Variants in CDK5RAP2 observed in about 807,000 individuals in gnomAD.
CDK5RAP2 encodes CDK5 regulatory subunit associated protein 2.
CDK5RAP2 carries 147 observed loss-of-function variants against 232.9 expected under a neutral mutation model. The observed-to-expected ratio is 0.63, with a 90% CI of 0.55 to 0.72. The LOEUF (loss-of-function observed/expected upper bound fraction) is 0.72, where lower values mean the gene tolerates loss of function less well. Ranked by LOEUF, CDK5RAP2 falls within the 30% of genes least tolerant of loss-of-function variation. The pLI, the probability that CDK5RAP2 is intolerant of heterozygous loss-of-function variation, is 0.00. For synonymous variants in CDK5RAP2, 833 were observed against 833.7 expected (o/e 1.00, Z 0.01); for missense variants, 2,195 against 2,231.5 (o/e 0.98, Z 0.33).
intron 12 of CDK5RAP2, among the ~76,000 whole-genome samples, chr9:120,512,878 T>C (rs1196834445): frequency 6.6e-6 from 1 of 152,206 alleles, no homozygotes; most frequent in African/African-American, 2.4e-5. Context: ...TAAAGTACAA[T>C]CTACACCTGA....
chr9:120,480,405 C>A (rs1427451640), intron 14 of CDK5RAP2, among the ~76,000 whole-genome samples: 3 of 152,130 alleles, frequency 2.0e-5, no homozygotes, highest in Non-Finnish European at 4.4e-5. Flanking sequence ...CATAGTAATA[C>A]TAGTAGTATT....
At chr9:120,487,492 G>C (rs2038676717) in intron 13 of CDK5RAP2, 55 bp from the exon 14 acceptor site, 1 of 1,372,540 alleles carries the variant, frequency 7.3e-7, no homozygotes, top group Non-Finnish European at 1.0e-6. Flanking sequence ...AAAATATTAA[G>C]AAACTGTCCC....
rs868265815 is a variant in CDK5RAP2 at position 120,431,233 on chromosome 9, G to A, written c.3955+6062C>T. Among the ~76,000 whole-genome samples the A allele has an allele frequency of 7.9e-5, 12 of 152,244 alleles. No individual in the cohort carries two copies. The South Asian group carries it at 8.3e-4, about 11-fold the overall frequency. ...CATATGTAACTAACCTGCACATTGC[G>A]CACATGTACCCTAAAACTTAAAGTA... On this transcript the variant is annotated intron_variant, in intron 25 of 37. Transcript: ENST00000349780.
chr9:120,440,619 G>T (rs1588341021), intron 23 of CDK5RAP2, among the ~76,000 whole-genome samples: 1 of 152,358 alleles, frequency 6.6e-6, no homozygotes, highest in Middle Eastern at 3.4e-3. Context: ...GGGTGCTAAA[G>T]TAAAAATTTT....
chr9:120,560,698 C>G (rs1172661530), intron 3 of CDK5RAP2, among the ~76,000 whole-genome samples: 8 of 152,144 alleles, frequency 5.3e-5, no homozygotes, highest in Non-Finnish European at 1.2e-4. Flanking sequence ...CTCACTGCAA[C>G]CTCCGCCTTC....
rs1338864435 is a variant in CDK5RAP2 at position 120,579,914 on chromosome 9, C to A, written c.59+6G>T. 6.8e-6 allele frequency: 11 copies of A among 1,611,734 alleles called. No homozygotes were observed. The highest frequency in any genetic ancestry group is 9.3e-6 in the Non-Finnish European group (11 of 1,177,988). On this transcript the variant is annotated splice_donor_region_variant and intron_variant, in intron 1 of 37. Transcript: ENST00000349780. ...GTTACCACGACCACCAATGCCCCGGCCGCACCTGCAGCCGCTGAGCGTCCC... is the reference window on the plus strand; with the variant it reads ...GTTACCACGACCACCAATGCCCCGGACGCACCTGCAGCCGCTGAGCGTCCC...
At chr9:120,472,690 C>G (rs774399389) in intron 15 of CDK5RAP2, among the ~76,000 whole-genome samples, 3 of 152,124 alleles carry the variant, frequency 2.0e-5, no homozygotes, top group Non-Finnish European at 4.4e-5. Context: ...TAGTGCTAAG[C>G]TGTACAGAGA....
intron 19 of CDK5RAP2, 77 bp from the exon 20 acceptor site, chr9:120,458,699 C>T: frequency 1.5e-6 from 2 of 1,345,060 alleles, no homozygotes; most frequent in East Asian, 2.3e-5. Flanking sequence ...GATGGAGATG[C>T]AGGGTAAGTG....
chr9:120,579,833 G>A (rs750478498), intron 1 of CDK5RAP2, 87 bp downstream of exon 1: 8 of 1,121,568 alleles, frequency 7.1e-6, no homozygotes, highest in Non-Finnish European at 1.1e-5. Context: ...ACACCCTCAA[G>A]AGCAAACCCC....
chr9:120,528,737 A>C lies in CDK5RAP2; in HGVS notation c.879+7T>G. 1 of 1,571,858 alleles carries C rather than the reference A, an allele frequency of 6.4e-7. No individual in the cohort carries two copies. The highest frequency in any genetic ancestry group is 8.8e-7 in the Non-Finnish European group (1 of 1,141,062). On this transcript the variant is annotated splice_region_variant and intron_variant, in intron 9 of 37. Coordinates refer to ENST00000349780, the MANE Select transcript of CDK5RAP2 (RefSeq NM_018249.6). ...TCAATACATTTTTTAAAATTGTATC[A>C]ACATACCTGGATCCTCTCTTCAAAG...
At chr9:120,427,280 T>A (rs1222529466) in intron 25 of CDK5RAP2, among the ~76,000 whole-genome samples, 1 of 152,204 alleles carries the variant, frequency 6.6e-6, no homozygotes, top group African/African-American at 2.4e-5. Flanking sequence ...AAAAAATCCA[T>A]AATGTTTTAA....
At chr9:120,503,201 A>G (rs2039656314) in intron 12 of CDK5RAP2, among the ~76,000 whole-genome samples, 1 of 152,244 alleles carries the variant, frequency 6.6e-6, no homozygotes, top group African/African-American at 2.4e-5. Context: ...ACCTGAAATT[A>G]ATTTATCATT....
At chr9:120,471,075 T>C (rs919911516) in intron 16 of CDK5RAP2, among the ~76,000 whole-genome samples, 6 of 152,198 alleles carry the variant, frequency 3.9e-5, no homozygotes, top group Non-Finnish European at 7.4e-5. Context: ...GTTAGGTGCC[T>C]AGCACTGTGC....
intron 19 of CDK5RAP2, among the ~76,000 whole-genome samples, 188 bp downstream of exon 19, chr9:120,460,384 T>G (rs1426062692): frequency 6.6e-6 from 1 of 152,244 alleles, no homozygotes; most frequent in African/African-American, 2.4e-5. Context: ...GTTTCATGAC[T>G]GGCTCTGTCA....
intron 16 of CDK5RAP2, among the ~76,000 whole-genome samples, 191 bp from the exon 17 acceptor site, chr9:120,470,411 C>A (rs2037631779): frequency 6.6e-6 from 1 of 152,180 alleles, no homozygotes; most frequent in African/African-American, 2.4e-5. Flanking sequence ...TTTTCCCTTT[C>A]TCAACAGGCT....
chr9:120,568,291 TG>T (rs751953731), intron 3 of CDK5RAP2, 29 bp downstream of exon 3: 2 of 1,549,120 alleles, frequency 1.3e-6, no homozygotes, highest in Admixed American at 1.7e-5. Context: ...CACAATTTGT[TG>T]GGGGCAGTAA....
intron 35 of CDK5RAP2, 53 bp downstream of exon 35, chr9:120,400,689 G>C: frequency 3.7e-6 from 6 of 1,608,984 alleles, no homozygotes; most frequent in Non-Finnish European, 5.1e-6. Context: ...AGGAAACTGA[G>C]ACACAGGCCC....
chr9:120,417,249 T>C (rs981081120), intron 27 of CDK5RAP2, among the ~76,000 whole-genome samples: 1 of 144,822 alleles, frequency 6.9e-6, no homozygotes, highest in African/African-American at 2.6e-5. Flanking sequence ...ACCTCTGCGC[T>C]CCTTAAACTC....
chr9:120,499,788 A>G (rs574704651), intron 12 of CDK5RAP2, among the ~76,000 whole-genome samples: 1 of 152,310 alleles, frequency 6.6e-6, no homozygotes, highest in Non-Finnish European at 1.5e-5. Context: ...CAGTCATGGC[A>G]ATATATTAAA....
Sources: allele counts gnomAD v4.1 joint callset (sites outside exome capture counted in the v4.1 genomes callset), GRCh38; gene constraint gnomAD v4.1.1; transcripts MANE v1.5; gene names NCBI Gene and HGNC (gene_info 2026-07-23, HGNC 2026-07-21).